Variants in KLHL26 observed in about 807,000 individuals in gnomAD.
The protein encoded by KLHL26 is kelch like family member 26.
A neutral mutation model predicts 7.1 loss-of-function variants in KLHL26; 4 were observed. The observed-to-expected ratio is 0.56, with a 90% CI of 0.28 to 1.28. The LOEUF (loss-of-function observed/expected upper bound fraction) is 1.28, where lower values mean the gene tolerates loss of function less well. KLHL26 is among the 50% of genes most tolerant of loss of function. The pLI is 0.11. For synonymous variants in KLHL26, 465 were observed against 414.1 expected (o/e 1.12, Z -1.49); for missense variants, 896 against 924.6 (o/e 0.97, Z 0.40).
At position 18,669,305 on chromosome 19, in the gene KLHL26, A is replaced by G. The variant is rs767888084; in HGVS notation, c.*60A>G. 24 of 1,385,520 alleles carry G rather than the reference A, an allele frequency of 1.7e-5. No homozygotes were observed. The East Asian group carries it at 2.3e-4, about 13-fold the overall frequency. 85.8% of individuals were successfully genotyped at this position (1,385,520 alleles called of 1,614,324 possible). A position where few individuals can be genotyped will look rare whatever the true frequency, so the allele number is the denominator to read the frequency against. ...TGTTGTCTCCAAGTGGGGCTTGGCG[A>G]ATGCACGTCTGCCTGAGAACCCCAG... On this transcript the variant is annotated 3_prime_UTR_variant, in exon 3 of 3. Coordinates refer to ENST00000300976, the MANE Select transcript of KLHL26 (RefSeq NM_018316.3).
chr19:18,669,420 A>G lies in KLHL26; in HGVS notation c.*175A>G, dbSNP rs1038077845. On this transcript the variant is annotated 3_prime_UTR_variant, in exon 3 of 3. Coordinates refer to ENST00000300976, the MANE Select transcript of KLHL26 (RefSeq NM_018316.3). ...TCCCTCCCTCCCTCCTTCCCAAAGC[A>G]GATCCTGGCTGCGAGTCCATCCGAG... 3.3e-6 allele frequency: 2 copies of G among 599,412 alleles called. No homozygotes were observed. Among genetic ancestry groups the G allele is most frequent in the Non-Finnish European group, 2.9e-6 (1 of 339,714 alleles). 37.1% of individuals were successfully genotyped at this position (599,412 alleles called of 1,614,324 possible).
chr19:18,642,397 C>T (rs1474724868), intron 1 of KLHL26, among the ~76,000 whole-genome samples: 1 of 130,840 alleles, frequency 7.6e-6, no homozygotes, highest in Non-Finnish European at 1.6e-5. Context: ...GATGGAGTTT[C>T]GCTTTTGTTG....
At chr19:18,658,190 C>T (rs949426582) in intron 1 of KLHL26, among the ~76,000 whole-genome samples, 11 of 152,266 alleles carry the variant, frequency 7.2e-5, no homozygotes, top group South Asian at 4.1e-4. Flanking sequence ...GTGATCTCCC[C>T]GGCTGCTGGG....
At chr19:18,642,338 A>AGTATGTGTGTGTGTGTGTGTGTGTGT (rs1362401503) in intron 1 of KLHL26, among the ~76,000 whole-genome samples, 1 of 123,804 alleles carries the variant, frequency 8.1e-6, no homozygotes, top group African/African-American at 3.3e-5. Flanking sequence ...CTAGTCACCT[A>AGTATGTGTGTGTGTGTGTGTGTGTGT]GTGTGTGTGT....
rs369378327 is a variant in KLHL26, at chr19:18,669,607, C to T, written c.*362C>T. On this transcript the variant is annotated 3_prime_UTR_variant, in exon 3 of 3. Transcript: ENST00000300976. Reference sequence around the variant, plus strand: ...CTCACTTCTCTACTGCCTCCCAGCCCCACGGTTTCAGGCATTCAGATGTGA... The same window carrying T: ...CTCACTTCTCTACTGCCTCCCAGCCTCACGGTTTCAGGCATTCAGATGTGA... 1 of 475,812 alleles carries T rather than the reference C, an allele frequency of 2.1e-6. No individual in the cohort carries two copies. The highest frequency in any genetic ancestry group is 3.8e-5 in the South Asian group (1 of 26,154). 29.5% of individuals were successfully genotyped at this position (475,812 alleles called of 1,614,324 possible).
chr19:18,641,316 CTTTTTT>C (rs61471216), intron 1 of KLHL26, among the ~76,000 whole-genome samples: 1 of 105,138 alleles, frequency 9.5e-6, no homozygotes, highest in Non-Finnish European at 1.9e-5. Context: ...GTTGGGTTGC[CTTTTTT>C]TTTTTTTTTT....
rs1444106085 is a variant in KLHL26 at position 18,669,609 on chromosome 19, A to G, written c.*364A>G. On this transcript the variant is annotated 3_prime_UTR_variant, in exon 3 of 3. Transcript: ENST00000300976. ...CACTTCTCTACTGCCTCCCAGCCCC[A>G]CGGTTTCAGGCATTCAGATGTGAGC... 5 of 470,778 alleles carry G rather than the reference A, an allele frequency of 1.1e-5. No individual in the cohort carries two copies. The highest frequency in any genetic ancestry group is 7.8e-5 in the South Asian group (2 of 25,730). 29.2% of individuals were successfully genotyped at this position (470,778 alleles called of 1,614,324 possible).
At chr19:18,639,051 A>C (rs952462086) in intron 1 of KLHL26, among the ~76,000 whole-genome samples, 3 of 151,892 alleles carry the variant, frequency 2.0e-5, no homozygotes, top group African/African-American at 7.3e-5. Context: ...ATTGCATGGC[A>C]TACAATTCAC....
At chr19:18,667,292 C>T (rs1048960116) in intron 2 of KLHL26, 4 of 311,320 alleles carry the variant, frequency 1.3e-5, no homozygotes, top group South Asian at 9.3e-5. Flanking sequence ...ACCTCGGCCT[C>T]CCAAAGTGCT....
At position 18,669,567 on chromosome 19, in the gene KLHL26, C is replaced by T; in HGVS notation, c.*322C>T. ...TGGAATCCCAGGTCTCCAGGGGGTCCCTGTGCAGCTCCATCTCACTTCTCT... is the reference window on the plus strand; with the variant it reads ...TGGAATCCCAGGTCTCCAGGGGGTCTCTGTGCAGCTCCATCTCACTTCTCT... On this transcript the variant is annotated 3_prime_UTR_variant, in exon 3 of 3. Coordinates refer to ENST00000300976, the MANE Select transcript of KLHL26 (RefSeq NM_018316.3). The T allele has an allele frequency of 1.8e-6, 1 of 549,292 alleles. No individual in the cohort carries two copies. Among genetic ancestry groups the T allele is most frequent in the South Asian group, 2.6e-5 (1 of 39,066 alleles). The allele number at this position is 549,292 out of a possible 1,614,324, so 34.0% of individuals were successfully genotyped here.
chr19:18,646,014 G>A lies in KLHL26; in HGVS notation c.83+8877G>A, dbSNP rs1442825365. ...CACCAAGCCCAGAGGCCTTGGAAGG[G>A]TCCAGCCCCCCAGCTCCTGCTAGGA... On this transcript the variant is annotated intron_variant, in intron 1 of 2. Transcript: ENST00000300976. The surrounding 1 kb of genome is among the most constrained non-coding windows in gnomAD (Gnocchi z 5.0). Among the ~76,000 whole-genome samples the A allele has an allele frequency of 6.6e-6, 1 of 152,174 alleles. No individual in the cohort carries two copies. The highest frequency in any genetic ancestry group is 1.5e-5 in the Non-Finnish European group (1 of 68,032).
intron 1 of KLHL26, among the ~76,000 whole-genome samples, chr19:18,642,592 G>A (rs1467599706): frequency 1.3e-5 from 2 of 151,990 alleles, no homozygotes; most frequent in Non-Finnish European, 2.9e-5. Context: ...TGGAACTCCT[G>A]ACCTCAGGTG....
Position 18,668,305 on chromosome 19 carries a change from C to T in KLHL26, c.908C>T (p.Ala303Val). The T allele has an allele frequency of 1.2e-6, 2 of 1,611,468 alleles. No individual in the cohort carries two copies. The highest frequency in any genetic ancestry group is 1.3e-5 in the African/African-American group (1 of 75,056). The change falls in exon 3 of 3, where the codon GCC (alanine) becomes GTC (valine). Residue 303 changes from alanine to valine, a missense_variant. Ala to Val is a moderately conservative substitution (Grantham distance 64). Transcript: ENST00000300976. ...RQHEMQSPRT[A>V]VRSDVPSLVT... ...CACGAGATGCAGTCTCCGCGCACCG[C>T]CGTGCGCTCGGATGTGCCCTCGCTC...
rs1976808088 is a variant in KLHL26 at position 18,646,710 on chromosome 19, C to T, written c.83+9573C>T. On this transcript the variant is annotated intron_variant, in intron 1 of 2. Transcript: ENST00000300976. This position sits in a 1 kb window ranked among gnomAD's most constrained non-coding sequence, Gnocchi z 5.0. ...CGCCCATGATGGGGACACTGCCATC[C>T]TTCTGCCCGCCATGCCCGCATGGGC... is the stretch of plus-strand genomic sequence containing the variant. Among the ~76,000 whole-genome samples, 1 of 152,222 alleles carries T rather than the reference C, an allele frequency of 6.6e-6. No individual in the cohort carries two copies. The highest frequency in any genetic ancestry group is 6.5e-5 in the Admixed American group (1 of 15,286).
chr19:18,669,495 C>G lies in KLHL26; in HGVS notation c.*250C>G. ...CATGTGGTGGCAGCAAATTCGTCCC[C>G]GGGGTGGTTTCCTCGCCTGGCCCCC... On this transcript the variant is annotated 3_prime_UTR_variant, in exon 3 of 3. Coordinates refer to ENST00000300976, the MANE Select transcript of KLHL26 (RefSeq NM_018316.3). 1.7e-6 allele frequency: 1 copy of G among 572,254 alleles called. No individual in the cohort carries two copies. Among genetic ancestry groups the G allele is most frequent in the African/African-American group, 1.9e-5 (1 of 53,196 alleles). The allele number at this position is 572,254 out of a possible 1,614,324, so 35.4% of individuals were successfully genotyped here.
rs1185287499 is a variant in KLHL26, at chr19:18,668,345, CA to C, written c.949del (p.Thr317ArgfsTer33). 1 of 1,607,452 alleles carries C rather than the reference CA, an allele frequency of 6.2e-7. No homozygotes were observed. Among genetic ancestry groups the C allele is most frequent in the African/African-American group, 1.3e-5 (1 of 75,020 alleles). ...DVPSLVTFGG[T>X]PYTDSDRSVS... is the part of the protein sequence containing the mutation. ...TGCCCTCGCTCGTCACCTTCGGCGG[CA>C]CGCCCTACACCGACAGCGACCGCTC... On this transcript the variant is annotated frameshift_variant, in exon 3 of 3. Transcript: ENST00000300976. LOFTEE classifies it low-confidence loss of function (END_TRUNC).
chr19:18,669,435 G>A lies in KLHL26; in HGVS notation c.*190G>A. ...TTCCCAAAGCAGATCCTGGCTGCGAGTCCATCCGAGGGAGCCTGCCGGCAA... is the reference window on the plus strand; with the variant it reads ...TTCCCAAAGCAGATCCTGGCTGCGAATCCATCCGAGGGAGCCTGCCGGCAA... On this transcript the variant is annotated 3_prime_UTR_variant, in exon 3 of 3. Transcript: ENST00000300976. 1.7e-6 allele frequency: 1 copy of A among 594,938 alleles called. No individual in the cohort carries two copies. The allele number at this position is 594,938 out of a possible 1,614,324, so 36.9% of individuals were successfully genotyped here. A position where few individuals can be genotyped will look rare whatever the true frequency, so the allele number is the denominator to read the frequency against.
intron 1 of KLHL26, among the ~76,000 whole-genome samples, chr19:18,660,609 C>T (rs2052383057): frequency 6.6e-6 from 1 of 152,198 alleles, no homozygotes; most frequent in African/African-American, 2.4e-5. Flanking sequence ...TAGTCATCAG[C>T]CCTGGCCCCG....
Position 18,669,168 on chromosome 19 carries a change from G to C in KLHL26, c.1771G>C (p.Asp591His). ...CACGGACACCGACGAGTGGGAGCGG[G>C]ACCTGCACTTCCCGGAGTCCTTCGC... The part of the protein sequence containing the change: ...YNTDTDEWER[D>H]LHFPESFAGI... Residue 591 changes from aspartate (D) to histidine (H), a missense_variant, in exon 3 of 3, where the codon GAC becomes CAC. By Grantham distance (81) the Asp-to-His change is moderately conservative. Coordinates refer to ENST00000300976, the MANE Select transcript of KLHL26 (RefSeq NM_018316.3). 1 of 1,612,802 alleles carries C rather than the reference G, an allele frequency of 6.2e-7. No homozygotes were observed. The highest frequency in any genetic ancestry group is 8.5e-7 in the Non-Finnish European group (1 of 1,179,964).
Sources: gnomAD v4.1 joint callset for allele counts (sites outside exome capture counted in the v4.1 genomes callset) on GRCh38, gnomAD v4.1.1 for gene constraint, Gnocchi (gnomAD v3.1) non-coding constraint, MANE v1.5 for transcripts, NCBI Gene and HGNC (gene_info 2026-07-23, HGNC 2026-07-21) for gene names.